NFAT5: variants seen among roughly 807,000 people sequenced by gnomAD.
The protein encoded by NFAT5 is nuclear factor of activated T cells 5, also known as nuclear factor of activated T-cells 5.
A neutral mutation model predicts 166.5 loss-of-function variants in NFAT5; 31 were observed. That is an observed-to-expected ratio of 0.19 (90% CI 0.14 to 0.25). NFAT5 has a LOEUF of 0.25. Ranked by LOEUF, NFAT5 falls within the 10% of genes least tolerant of loss-of-function variation. The pLI is 1.00. For missense variants in NFAT5, 1,449 were observed against 1,821.8 expected (o/e 0.80, Z 3.72); for synonymous variants, 612 against 639.7 (o/e 0.96, Z 0.65).
At chr16:69,631,872 C>T (rs1387143243) in intron 3 of NFAT5, among the ~76,000 whole-genome samples, 1 of 152,140 alleles carries the variant, frequency 6.6e-6, no homozygotes, top group Non-Finnish European at 1.5e-5. Context: ...TTGAATATCT[C>T]CACTTGTTGG....
rs554257784 is a variant in NFAT5 at position 69,694,835 on chromosome 16, C to T, written c.4415-301C>T. 3.3e-5 allele frequency among the ~76,000 whole-genome samples: 5 copies of T among 152,278 alleles called. No homozygotes were observed. In the East Asian group the frequency reaches 9.6e-4, roughly 29 times the overall value. On this transcript the variant is annotated intron_variant, in intron 13 of 14. Coordinates refer to ENST00000349945, the MANE Select transcript of NFAT5 (RefSeq NM_138713.4). ...AGTAGTTTCTAAGGAGGTAGAAACT[C>T]ATCTTTAATGTTTATATACCAAGGA...
intron 4 of NFAT5, 60 bp from the exon 5 acceptor site, chr16:69,653,173 CTTT>C: frequency 2.1e-6 from 2 of 944,972 alleles, no homozygotes; most frequent in South Asian, 1.9e-5. Flanking sequence ...GTCTTAATGG[CTTT>C]TTTTTTTTAT....
chr16:69,644,059 G>A (rs2035330657), intron 3 of NFAT5, among the ~76,000 whole-genome samples: 1 of 152,150 alleles, frequency 6.6e-6, no homozygotes, highest in Non-Finnish European at 1.5e-5. Flanking sequence ...GCCAAAGCTG[G>A]AGGATTGCTT....
chr16:69,586,604 T>C (rs1035708125), intron 2 of NFAT5, among the ~76,000 whole-genome samples: 1 of 152,094 alleles, frequency 6.6e-6, no homozygotes, highest in African/African-American at 2.4e-5. Flanking sequence ...GGTTTTGCTG[T>C]GTTTGCCAGG....
intron 2 of NFAT5, among the ~76,000 whole-genome samples, chr16:69,591,498 G>A (rs1397104894): frequency 6.6e-6 from 1 of 152,130 alleles, no homozygotes; most frequent in African/African-American, 2.4e-5. Flanking sequence ...TTTAAACTTT[G>A]CTAGTTTTAT....
chr16:69,688,202 CAAAAAAAAA>C (rs1188158260), intron 11 of NFAT5, among the ~76,000 whole-genome samples: 5,542 of 49,610 alleles, frequency 0.11, 538 homozygotes, highest in African/African-American at 0.33. Flanking sequence ...GACTCCGTCT[CAAAAAAAAA>C]AAAAAAAAAA....
At chr16:69,690,902 G>A in intron 11 of NFAT5, 38 bp from the exon 12 acceptor site, 1 of 1,429,804 alleles carries the variant, frequency 7.0e-7, no homozygotes, top group Non-Finnish European at 9.2e-7. Flanking sequence ...TAAATTTTGT[G>A]ATTTTAAACT....
chr16:69,578,957 C>G (rs907824447), intron 2 of NFAT5, among the ~76,000 whole-genome samples: 1 of 151,664 alleles, frequency 6.6e-6, no homozygotes, highest in African/African-American at 2.4e-5. Flanking sequence ...TCACTGCAAG[C>G]TCCTCCTCCC....
At chr16:69,657,758 C>CA (rs1161075361) in intron 6 of NFAT5, among the ~76,000 whole-genome samples, 1,507 of 50,988 alleles carry the variant, frequency 0.03, 16 homozygotes, top group Non-Finnish European at 0.041. Context: ...GACTCCATCT[C>CA]AAAAAAAAAA....
chr16:69,594,882 C>T (rs1028522815), intron 2 of NFAT5, among the ~76,000 whole-genome samples: 1 of 152,090 alleles, frequency 6.6e-6, no homozygotes, highest in African/African-American at 2.4e-5. Context: ...AGTCCAAGTC[C>T]CAAAGCTGAA....
intron 2 of NFAT5, among the ~76,000 whole-genome samples, chr16:69,583,461 C>G (rs148433928): frequency 6.6e-6 from 1 of 152,254 alleles, no homozygotes; most frequent in African/African-American, 2.4e-5. Context: ...GTGATCCTCC[C>G]ATCTCATTCT....
At chr16:69,605,426 C>T (rs989751089) in intron 2 of NFAT5, among the ~76,000 whole-genome samples, 17 of 152,170 alleles carry the variant, frequency 1.1e-4, no homozygotes, top group East Asian at 3.9e-4. Context: ...GGCAACAGAG[C>T]GACAGTGTCT....
chr16:69,616,069 T>C (rs781409043), intron 2 of NFAT5, among the ~76,000 whole-genome samples: 21 of 152,218 alleles, frequency 1.4e-4, no homozygotes, highest in Admixed American at 3.3e-4. Flanking sequence ...CCCCGATAGA[T>C]GTCTTCCCTA....
intron 10 of NFAT5, among the ~76,000 whole-genome samples, chr16:69,680,680 A>G (rs911301151): frequency 6.6e-6 from 1 of 152,200 alleles, no homozygotes; most frequent in Admixed American, 6.5e-5. Flanking sequence ...TTGTAATACA[A>G]TCTAATGTCT....
At chr16:69,690,163 A>AT (rs1389382447) in intron 11 of NFAT5, among the ~76,000 whole-genome samples, 2 of 152,202 alleles carry the variant, frequency 1.3e-5, no homozygotes, top group African/African-American at 4.8e-5. Context: ...GGAAAGGTAG[A>AT]TATAGTGAAG....
At chr16:69,624,118 G>A (rs147092985) in intron 2 of NFAT5, among the ~76,000 whole-genome samples, 1 of 152,238 alleles carries the variant, frequency 6.6e-6, no homozygotes, top group Non-Finnish European at 1.5e-5. Flanking sequence ...ATTATATTCT[G>A]ACAGATGCTG....
chr16:69,662,903 C>CT (rs397945452), intron 7 of NFAT5, among the ~76,000 whole-genome samples: 1 of 89,206 alleles, frequency 1.1e-5, no homozygotes, highest in Non-Finnish European at 2.3e-5. Flanking sequence ...TAAAAATGAT[C>CT]TACAGTAAAA....
chr16:69,661,539 T>TAAAAAA (rs1037382239), intron 7 of NFAT5, among the ~76,000 whole-genome samples: 1,120 of 37,874 alleles, frequency 0.03, 75 homozygotes, highest in Non-Finnish European at 0.039. Context: ...CCCAGTCTCT[T>TAAAAAA]AAAAAAAAAA....
chr16:69,625,961 ATT>A (rs1409980824), intron 2 of NFAT5, among the ~76,000 whole-genome samples: 8 of 145,990 alleles, frequency 5.5e-5, no homozygotes, highest in East Asian at 2.0e-4. Context: ...AAATAAAAAA[ATT>A]TTTTTTTTTT....
Sources: gnomAD v4.1 joint callset for allele counts (sites outside exome capture counted in the v4.1 genomes callset) on GRCh38, gnomAD v4.1.1 for gene constraint, MANE v1.5 for transcripts, NCBI Gene and HGNC (gene_info 2026-07-23, HGNC 2026-07-21) for gene names.